NLRC5: variants seen among roughly 807,000 people sequenced by gnomAD.
The protein encoded by NLRC5 is protein NLRC5.
NLRC5 carries 114 observed loss-of-function variants against 206.9 expected under a neutral mutation model. The observed-to-expected ratio is 0.55, with a 90% confidence interval of 0.47 to 0.64. The LOEUF (loss-of-function observed/expected upper bound fraction) is 0.64, where lower values mean the gene tolerates loss of function less well. Among genes scored for constraint, NLRC5 ranks in the 30% least tolerant of loss-of-function variants. The pLI, the probability that NLRC5 is intolerant of heterozygous loss-of-function variation, is 0.00. For missense variants in NLRC5, 2,008 were observed against 2,305.5 expected, an observed-to-expected ratio of 0.87 and a Z score of 2.64; for synonymous variants, 952 against 962.8, an observed-to-expected ratio of 0.99 and a Z score of 0.21.
At chr16:57,015,354 T>A (rs1223163283) in intron 1 of NLRC5, among the ~76,000 whole-genome samples, 2 of 151,744 alleles carry the variant, frequency 1.3e-5, no homozygotes, top group Non-Finnish European at 2.9e-5. Flanking sequence ...CCAGGTGAAT[T>A]GGTGGGGGAG....
intron 21 of NLRC5, 73 bp from the exon 22 acceptor site, chr16:57,046,479 A>G: frequency 8.1e-7 from 1 of 1,236,372 alleles, no homozygotes; most frequent in Non-Finnish European, 1.2e-6. Context: ...TCCCCCTCCT[A>G]GGGGTATATG....
chr16:57,049,611 C>A (rs2064558588), intron 23 of NLRC5, among the ~76,000 whole-genome samples: 1 of 152,046 alleles, frequency 6.6e-6, no homozygotes, highest in African/African-American at 2.4e-5. Flanking sequence ...TGGTGCACCC[C>A]TGTAATCCCA....
chr16:56,999,095 A>G (rs1380747978), intron 1 of NLRC5, among the ~76,000 whole-genome samples: 3 of 152,216 alleles, frequency 2.0e-5, no homozygotes, highest in East Asian at 1.9e-4. Flanking sequence ...GTATCCTCAC[A>G]TGGTGCAAAG....
In NLRC5 at chr16:57,044,827, TTAG is replaced by T. The variant is rs879850934; in HGVS notation, c.3204-620_3204-618del. ...TGGGAGGCTGAGGTGGGAGGATTGC[TTAG>T]ACTCAGGAGATCGAGGCTACAGTGA... is the stretch of plus-strand genomic sequence containing the variant. On this transcript the variant is annotated intron_variant, in intron 20 of 48. Coordinates refer to ENST00000688547, the MANE Select transcript of NLRC5 (RefSeq NM_001384950.1). Among the ~76,000 whole-genome samples, 594 of 152,102 alleles carry T rather than the reference TTAG, an allele frequency of 3.9e-3. 11 individuals are homozygous for T. The highest frequency in any genetic ancestry group is 0.036 in the Admixed American group (557 of 15,264).
chr16:57,071,057 G>GGT, intron 38 of NLRC5, among the ~76,000 whole-genome samples: 6 of 116,160 alleles, frequency 5.2e-5, no homozygotes, highest in African/African-American at 6.1e-5. Context: ...AGTGGTGATG[G>GGT]TGGTTAATGG....
intron 14 of NLRC5, 111 bp downstream of exon 14, chr16:57,036,294 C>A: frequency 1.1e-6 from 1 of 951,814 alleles, no homozygotes; most frequent in South Asian, 1.4e-5. Flanking sequence ...ACCCCTGCTT[C>A]CTCCCAACTC....
intron 6 of NLRC5, 55 bp from the exon 7 acceptor site, chr16:57,028,017 C>A: frequency 7.7e-7 from 1 of 1,299,090 alleles, no homozygotes; most frequent in Non-Finnish European, 1.1e-6. Context: ...ATGGCGATGA[C>A]TTCTCAGCTC....
At chr16:57,078,140 A>C in intron 43 of NLRC5, 120 bp downstream of exon 43, 1 of 733,454 alleles carries the variant, frequency 1.4e-6, no homozygotes, top group Non-Finnish European at 2.1e-6. Context: ...CTTGGCATAT[A>C]CCCACTCTCC....
At chr16:57,038,423 A>AT (rs1286565092) in intron 15 of NLRC5, among the ~76,000 whole-genome samples, 3 of 151,950 alleles carry the variant, frequency 2.0e-5, no homozygotes, top group Admixed American at 1.3e-4. Flanking sequence ...ATGCCTGGCA[A>AT]TTTTTTTTAT....
At chr16:57,017,285 G>A (rs1489784333) in intron 2 of NLRC5, 97 bp downstream of exon 2, 1 of 152,566 alleles carries the variant, frequency 6.6e-6, no homozygotes, top group African/African-American at 2.4e-5. Flanking sequence ...ACCCAAATCT[G>A]CCTTACTGGG....
intron 1 of NLRC5, among the ~76,000 whole-genome samples, chr16:57,011,925 A>G (rs771951946): frequency 6.6e-6 from 1 of 152,186 alleles, no homozygotes; most frequent in African/African-American, 2.4e-5. Context: ...CGTAAAATCT[A>G]TCCATTTTAG....
chr16:57,018,342 G>A (rs2060297335), intron 2 of NLRC5, among the ~76,000 whole-genome samples: 5 of 152,246 alleles, frequency 3.3e-5, no homozygotes, highest in Admixed American at 1.3e-4. Context: ...AGAAACCTCA[G>A]TTCTCCTCCT....
chr16:57,025,290 A>G (rs781162864), intron 5 of NLRC5, 78 bp from the exon 6 acceptor site: 56 of 1,489,670 alleles, frequency 3.8e-5, no homozygotes, highest in African/African-American at 5.6e-5. Flanking sequence ...GGCTCCCAAC[A>G]GCCCAATACT....
rs199476008 is a variant in NLRC5 at position 57,067,727 on chromosome 16, C to A, written c.4407-9C>A. ...TGAAATCCTCTAGAATATCCTTGGACCTTTTCAGCTTGTCTCAGGTTAACC... is the reference window on the plus strand; with the variant it reads ...TGAAATCCTCTAGAATATCCTTGGAACTTTTCAGCTTGTCTCAGGTTAACC... On this transcript the variant is annotated splice_polypyrimidine_tract_variant and intron_variant, in intron 35 of 48. Coordinates refer to ENST00000688547, the MANE Select transcript of NLRC5 (RefSeq NM_001384950.1). 2.5e-4 allele frequency: 411 copies of A among 1,612,966 alleles called. No individual in the cohort carries two copies. The highest frequency in any genetic ancestry group is 7.4e-4 in the East Asian group (33 of 44,886).
At chr16:57,077,892 G>T (rs764527279) in intron 42 of NLRC5, 51 bp from the exon 43 acceptor site, 99 of 1,608,138 alleles carry the variant, frequency 6.2e-5, no homozygotes, top group Admixed American at 8.4e-5. Flanking sequence ...CAGGGCGGGG[G>T]TCCCGAGTGG....
intron 38 of NLRC5, among the ~76,000 whole-genome samples, chr16:57,072,592 A>G (rs1451777780): frequency 3.9e-5 from 6 of 152,234 alleles, no homozygotes; most frequent in Non-Finnish European, 8.8e-5. Context: ...TGCCAGAAAC[A>G]GCCTCAGTCT....
rs559669110 is a variant in NLRC5, at chr16:57,054,775, G to T, written c.3531G>T (p.Pro1177=). The change falls in exon 25 of 49, where the codon CCG becomes CCT. Residue 1177 remains proline (P), a synonymous_variant. Coordinates refer to ENST00000688547, the MANE Select transcript of NLRC5 (RefSeq NM_001384950.1). ...GGCTGAGCCAGACGGGACTGTCCCC[G>T]AAAAGCCCCTTCCTGCTGGCCAACA... is the stretch of plus-strand genomic sequence containing the variant. ...LLQLSQTGLS[P]KSPFLLANTL... is the part of the protein sequence containing the mutation. 2 of 1,606,326 alleles carry T rather than the reference G, an allele frequency of 1.2e-6. No individual in the cohort carries two copies. The highest frequency in any genetic ancestry group is 2.2e-5 in the South Asian group (2 of 90,920).
At chr16:57,033,522 C>A in intron 11 of NLRC5, 82 bp from the exon 12 acceptor site, 1 of 1,383,384 alleles carries the variant, frequency 7.2e-7, no homozygotes. Context: ...GGTCTTCAGC[C>A]TCTAGAAGCC....
In NLRC5 at chr16:57,028,381, G is replaced by C. The variant is rs1308999920; in HGVS notation, c.2239G>C (p.Val747Leu). 8 of 1,613,570 alleles carry C rather than the reference G, an allele frequency of 5.0e-6. No individual in the cohort carries two copies. The highest frequency in any genetic ancestry group is 6.8e-6 in the Non-Finnish European group (8 of 1,179,580). Residue 747 changes from valine to leucine, a missense_variant, in exon 8 of 49, where the codon GTC becomes CTC. By Grantham distance (32) the Val-to-Leu change is conservative. Coordinates refer to ENST00000688547, the MANE Select transcript of NLRC5 (RefSeq NM_001384950.1). ...GCCTCTCTGTCCACAGCTGAAAGAA[G>C]TCAGGTGAGTGATCTCCAGGAGGGC... ...ALPLCPQLKE[V>L]SFRDNQLSDQ...
Sources: gnomAD v4.1 joint callset for allele counts (sites outside exome capture counted in the v4.1 genomes callset) on GRCh38, gnomAD v4.1.1 for gene constraint, MANE v1.5 for transcripts, NCBI Gene and HGNC (gene_info 2026-07-23, HGNC 2026-07-21) for gene names.